The following REV3L variants were observed in gnomAD, a reference collection of about 807,000 sequenced individuals.
REV3L encodes REV3 like, DNA directed polymerase zeta catalytic subunit.
In REV3L, 69 loss-of-function variants were observed where a neutral mutation model predicts 299.4. The ratio of observed to expected loss-of-function variants is 0.23; its 90% confidence interval spans 0.19 to 0.28. REV3L has a LOEUF of 0.28. REV3L is among the 10% of genes least tolerant of loss of function. The pLI is 1.00. For missense variants in REV3L, 3,128 were observed against 3,693.8 expected, an observed-to-expected ratio of 0.85 and a Z score of 3.97; for synonymous variants, 1,238 against 1,271.4, an observed-to-expected ratio of 0.97 and a Z score of 0.56.
At chr6:111,464,375 G>A (rs1200204792) in intron 1 of REV3L, among the ~76,000 whole-genome samples, 1 of 152,076 alleles carries the variant, frequency 6.6e-6, no homozygotes, top group African/African-American at 2.4e-5. Flanking sequence ...CACTAGGCTT[G>A]GAAAAATAGC....
At chr6:111,450,963 T>C (rs1045937861) in intron 1 of REV3L, among the ~76,000 whole-genome samples, 3 of 152,226 alleles carry the variant, frequency 2.0e-5, no homozygotes, top group African/African-American at 4.8e-5. Context: ...GAGAAGCTAT[T>C]TGTTTATGAA....
chr6:111,452,092 ATGC>A, intron 1 of REV3L, among the ~76,000 whole-genome samples: 2 of 152,236 alleles, frequency 1.3e-5, no homozygotes, highest in African/African-American at 4.8e-5. Flanking sequence ...AATGGCAAAT[ATGC>A]ACACTAAAAG....
chr6:111,472,361 G>A (rs992828653), intron 1 of REV3L, among the ~76,000 whole-genome samples: 3 of 151,716 alleles, frequency 2.0e-5, no homozygotes, highest in Non-Finnish European at 2.9e-5. Flanking sequence ...ATACTTCTTT[G>A]TAATCGTAAT....
chr6:111,370,540 T>C (rs1345711076), intron 13 of REV3L, among the ~76,000 whole-genome samples: 4 of 152,168 alleles, frequency 2.6e-5, no homozygotes, highest in Non-Finnish European at 5.9e-5. Flanking sequence ...GTATAAAATA[T>C]GATATTAGTA....
In REV3L at chr6:111,483,100, G is replaced by A. The variant is rs950647867; in HGVS notation, c.-212C>T. 5.6e-6 allele frequency: 3 copies of A among 537,062 alleles called. No individual in the cohort carries two copies. Among genetic ancestry groups the A allele is most frequent in the African/African-American group, 2.0e-5 (1 of 49,862 alleles). 33.3% of individuals were successfully genotyped at this position (537,062 alleles called of 1,614,324 possible). A position where few individuals can be genotyped will look rare whatever the true frequency, so the allele number is the denominator to read the frequency against. On this transcript the variant is annotated 5_prime_UTR_variant, in exon 1 of 32. Coordinates refer to ENST00000368802, the MANE Select transcript of REV3L (RefSeq NM_001372078.1). ...AGGAGCACCCGGCAAGGGGCCGCAG[G>A]AGAGAAGCCCTCGAGCTTTCGTCGG...
intron 1 of REV3L, among the ~76,000 whole-genome samples, chr6:111,437,113 T>C (rs1203275331): frequency 3.9e-5 from 6 of 152,160 alleles, no homozygotes; most frequent in Non-Finnish European, 7.3e-5. Context: ...GTGGAGAAAC[T>C]GGAAATTTCA....
At chr6:111,401,227 T>G (rs928227137) in intron 4 of REV3L, among the ~76,000 whole-genome samples, 14 of 152,172 alleles carry the variant, frequency 9.2e-5, no homozygotes. Context: ...TCTCCATACT[T>G]TAAAAAAGGA....
intron 26 of REV3L, among the ~76,000 whole-genome samples, chr6:111,316,533 G>T: frequency 6.6e-6 from 1 of 151,966 alleles, no homozygotes; most frequent in African/African-American, 2.4e-5. Context: ...AGGGGAGGTG[G>T]CGTGTGCCTG....
intron 1 of REV3L, among the ~76,000 whole-genome samples, chr6:111,456,168 G>A (rs145113151): frequency 9.3e-4 from 141 of 152,228 alleles, no homozygotes; most frequent in African/African-American, 3.2e-3. Flanking sequence ...CATCCCTGTC[G>A]TTAAGCAACA....
At chr6:111,405,782 A>G in intron 3 of REV3L, 152 bp from the exon 4 acceptor site, 1 of 542,418 alleles carries the variant, frequency 1.8e-6, no homozygotes, top group Non-Finnish European at 3.1e-6. Context: ...GTTAGAAATT[A>G]AAAGTTTCAA....
chr6:111,379,268 T>C (rs1351637851), intron 11 of REV3L, among the ~76,000 whole-genome samples: 1 of 152,238 alleles, frequency 6.6e-6, no homozygotes, highest in Non-Finnish European at 1.5e-5. Context: ...AAACACTGAA[T>C]TTATGGATTA....
At chr6:111,354,760 G>C (rs1242082379) in intron 18 of REV3L, among the ~76,000 whole-genome samples, 2 of 152,142 alleles carry the variant, frequency 1.3e-5, no homozygotes, top group Non-Finnish European at 2.9e-5. Context: ...GGGTAGATGG[G>C]ATTAGTGGTG....
At chr6:111,347,291 A>T (rs466765) in intron 20 of REV3L, among the ~76,000 whole-genome samples, 102,263 of 150,448 alleles carry the variant, frequency 0.68, 36,157 homozygotes, top group Non-Finnish European at 0.79. Context: ...AATAAAAAAA[A>T]ATATATATAT....
chr6:111,312,123 T>A (rs1199810626), intron 28 of REV3L: 4 of 152,178 alleles, frequency 2.6e-5, no homozygotes, highest in African/African-American at 9.7e-5. Flanking sequence ...AAGTTAGTTC[T>A]AGGTGAAAGC....
rs1783124324 is a variant in REV3L, at chr6:111,401,929, T to G, written c.565+3541A>C. 3.3e-5 allele frequency among the ~76,000 whole-genome samples: 5 copies of G among 151,918 alleles called. No individual in the cohort carries two copies. In the South Asian group the frequency reaches 1.0e-3, roughly 32 times the overall value. Reference sequence around the variant, plus strand: ...AGTTCTGAGACCAGCCTGAGCAACATGGCGAAACCCTATCTCTACAAAAAA... The same window carrying G: ...AGTTCTGAGACCAGCCTGAGCAACAGGGCGAAACCCTATCTCTACAAAAAA... On this transcript the variant is annotated intron_variant, in intron 4 of 31. Transcript: ENST00000368802.
chr6:111,332,514 T>C (rs1775502362), intron 23 of REV3L, among the ~76,000 whole-genome samples: 1 of 152,142 alleles, frequency 6.6e-6, no homozygotes, highest in Admixed American at 6.5e-5. Flanking sequence ...AAAGACAGGA[T>C]TACCAATATA....
chr6:111,437,593 A>G (rs1416214334), intron 1 of REV3L, among the ~76,000 whole-genome samples: 1 of 151,998 alleles, frequency 6.6e-6, no homozygotes, highest in Non-Finnish European at 1.5e-5. Context: ...CAGACACAAA[A>G]AATCACATAT....
intron 21 of REV3L, among the ~76,000 whole-genome samples, chr6:111,339,282 T>C (rs1376138797): frequency 6.6e-6 from 1 of 152,092 alleles, no homozygotes; most frequent in African/African-American, 2.4e-5. Context: ...CATCTCTCTA[T>C]TATAGATAAG....
chr6:111,477,197 G>A (rs1471944062), intron 1 of REV3L, among the ~76,000 whole-genome samples: 2 of 152,166 alleles, frequency 1.3e-5, no homozygotes, highest in Non-Finnish European at 2.9e-5. Flanking sequence ...TGAACACTTA[G>A]AGTTGTTCTC....
Sources: gnomAD v4.1 joint callset for allele counts (sites outside exome capture counted in the v4.1 genomes callset) on GRCh38, gnomAD v4.1.1 for gene constraint, MANE v1.5 for transcripts, NCBI Gene and HGNC (gene_info 2026-07-23, HGNC 2026-07-21) for gene names.